Variants in NBPF9 observed in about 807,000 individuals in gnomAD.
NBPF9 encodes NBPF family member NBPF9.
NBPF9 carries 91 observed loss-of-function variants against 97.8 expected under a neutral mutation model. The ratio of observed to expected loss-of-function variants is 0.93; its 90% CI spans 0.79 to 1.11. The LOEUF (loss-of-function observed/expected upper bound fraction) is 1.11, where lower values mean the gene tolerates loss of function less well. Among genes scored for constraint, NBPF9 ranks in the 50% least tolerant of loss-of-function variants. NBPF9 has a pLI of 0.00. For missense variants in NBPF9, 992 were observed against 939.5 expected (o/e 1.06, Z -0.73); for synonymous variants, 334 against 359.5 (o/e 0.93, Z 0.80).
At position 149,077,842 on chromosome 1, in the gene NBPF9, A is replaced by G. The variant is rs1256648866; in HGVS notation, c.566+41T>C. 87 of 1,594,628 alleles carry G rather than the reference A, an allele frequency of 5.5e-5. 3 individuals are homozygous for G. The African/African-American group carries it at 8.4e-4, about 15-fold the overall frequency. On this transcript the variant is annotated intron_variant, in intron 10 of 29. Transcript: ENST00000584027. ...GGGTGTGCCTCCTAGACATCTTCATATGTTACCACCCATTACTTGCTCCTG... is the reference window on the plus strand; with the variant it reads ...GGGTGTGCCTCCTAGACATCTTCATGTGTTACCACCCATTACTTGCTCCTG...
Position 149,080,378 on chromosome 1 carries a change from G to A in NBPF9, c.176-223C>T, listed in dbSNP as rs1435770067. 6.7e-3 allele frequency among the ~76,000 whole-genome samples: 1,009 copies of A among 150,530 alleles called. 5 individuals are homozygous for A. Among genetic ancestry groups the A allele is most frequent in the Middle Eastern group, 0.014 (4 of 294 alleles). On this transcript the variant is annotated intron_variant, in intron 7 of 29. Coordinates refer to ENST00000584027, the Ensembl canonical transcript of NBPF9. ...AAGAGAACCTCAAGGGCGCATCAAG[G>A]AAGTTGACAAGATGATTCAACCACA...
At chr1:149,074,270 C>T (rs1213489909) in intron 12 of NBPF9, among the ~76,000 whole-genome samples, 2 of 151,266 alleles carry the variant, frequency 1.3e-5, no homozygotes, top group African/African-American at 4.8e-5. Context: ...GACTATGGGA[C>T]TGATGGTTTC....
Position 149,097,526 on chromosome 1 carries a change from G to C in NBPF9, c.-337+912C>G, listed in dbSNP as rs1310065448. Among the ~76,000 whole-genome samples the C allele has an allele frequency of 1.9e-4, 29 of 152,330 alleles. No individual in the cohort carries two copies. In the South Asian group the frequency reaches 5.2e-3, roughly 27 times the overall value. ...CCACTCCAGAAGCTGCCCAGCTGCA[G>C]GTGGGGGCCTCAGCCCCTGGGTCTG... On this transcript the variant is annotated intron_variant, in intron 4 of 29. Coordinates refer to ENST00000584027, the Ensembl canonical transcript of NBPF9.
chr1:149,056,222 C>T (rs2078231753), intron 29 of NBPF9, among the ~76,000 whole-genome samples: 1 of 146,972 alleles, frequency 6.8e-6, no homozygotes, highest in African/African-American at 2.5e-5. Flanking sequence ...AAACTGTGAT[C>T]ATGAAAAGAG....
At chr1:149,076,668 ATTT>A (rs200537943) in intron 11 of NBPF9, among the ~76,000 whole-genome samples, 5 of 129,444 alleles carry the variant, frequency 3.9e-5, no homozygotes, top group African/African-American at 2.9e-5. Context: ...ACGCCCAGCT[ATTT>A]TTTTTTTTTT....
At chr1:149,068,564 C>T (rs1280834311) in intron 17 of NBPF9, among the ~76,000 whole-genome samples, 4 of 151,714 alleles carry the variant, frequency 2.6e-5, no homozygotes, top group Non-Finnish European at 5.9e-5. Flanking sequence ...ATCAATTCAA[C>T]AGGAAGAGTT....
At chr1:149,071,115 C>T in exon 16 of NBPF9, 2 of 1,601,782 alleles carry the variant, frequency 1.2e-6, no homozygotes, top group Non-Finnish European at 1.7e-6. Context: ...CAGGGACTTC[C>T]TTTTCTTCAG....
intron 21 of NBPF9, 115 bp from the exon 22 acceptor site, chr1:149,062,380 A>C (rs75334453): frequency 1.6e-6 from 1 of 616,636 alleles, no homozygotes; most frequent in East Asian, 2.7e-5. Flanking sequence ...GGACAGATCC[A>C]TTAATGAGGT....
At chr1:149,064,876 G>T in intron 18 of NBPF9, 1 of 528,634 alleles carries the variant, frequency 1.9e-6, no homozygotes, top group Non-Finnish European at 3.4e-6. Flanking sequence ...ACAGAGATTT[G>T]ATGAGGGGGT....
At position 149,059,475 on chromosome 1, in the gene NBPF9, A is replaced by C. The variant is rs1181438395; in HGVS notation, c.2585+225T>G. Reference sequence around the variant, plus strand: ...TCAAAATTCGATGCAGTGGCCATGAAAGTACAGCTTTTGAAGTATGGTCAA... The same window carrying C: ...TCAAAATTCGATGCAGTGGCCATGACAGTACAGCTTTTGAAGTATGGTCAA... On this transcript the variant is annotated intron_variant, in intron 25 of 29. Coordinates refer to ENST00000584027, the Ensembl canonical transcript of NBPF9. The C allele has an allele frequency of 4.3e-5, 17 of 395,960 alleles. 3 individuals carry two copies. Among genetic ancestry groups the C allele is most frequent in the African/African-American group, 2.0e-4 (7 of 35,358 alleles). 24.5% of individuals were successfully genotyped at this position (395,960 alleles called of 1,614,324 possible).
intron 4 of NBPF9, among the ~76,000 whole-genome samples, chr1:149,095,800 C>T (rs1183708604): frequency 2.6e-5 from 4 of 151,990 alleles, no homozygotes; most frequent in African/African-American, 9.7e-5. Context: ...ACGGTGAACA[C>T]ACCAAATGCT....
rs587728619 is a variant in NBPF9, at chr1:149,072,269, T to G, written c.1306+449A>C. ...AAGCAGTTGTAAGTGTTCCCACATTTGAATGCTTCAGACCCTTGCAAGAGA... is the reference window on the plus strand; with the variant it reads ...AAGCAGTTGTAAGTGTTCCCACATTGGAATGCTTCAGACCCTTGCAAGAGA... On this transcript the variant is annotated intron_variant, in intron 14 of 29. Transcript: ENST00000584027. Among the ~76,000 whole-genome samples the G allele has an allele frequency of 5.3e-4, 80 of 151,936 alleles. 1 individual carries two copies. The highest frequency in any genetic ancestry group is 1.8e-3 in the African/African-American group (75 of 41,322).
intron 16 of NBPF9, among the ~76,000 whole-genome samples, chr1:149,070,157 C>A (rs1186356612): frequency 2.0e-5 from 3 of 147,486 alleles, no homozygotes; most frequent in African/African-American, 7.7e-5. Flanking sequence ...CCTGTCTCTA[C>A]TAAAAATACA....
chr1:149,062,269 G>T lies in NBPF9; in HGVS notation c.2079-4C>A, dbSNP rs781803672. 3 of 662,788 alleles carry T rather than the reference G, an allele frequency of 4.5e-6. No homozygotes were observed. Among genetic ancestry groups the T allele is most frequent in the South Asian group, 3.5e-5 (2 of 57,442 alleles). 41.1% of individuals were successfully genotyped at this position (662,788 alleles called of 1,614,324 possible). On this transcript the variant is annotated splice_polypyrimidine_tract_variant and splice_region_variant and intron_variant, in intron 21 of 29. Coordinates refer to ENST00000584027, the Ensembl canonical transcript of NBPF9. ...ATCCAGCAGCTCCCTGCTGAGCCTG[G>T]AAAAGTAGGAAAAAGTAAAGAATAA...
chr1:149,082,308 C>T lies in NBPF9; in HGVS notation c.-72G>A, dbSNP rs1329604643. 10 of 1,550,356 alleles carry T rather than the reference C, an allele frequency of 6.5e-6. No homozygotes were observed. The highest frequency in any genetic ancestry group is 1.4e-5 in the African/African-American group (1 of 71,712). The stretch of plus-strand genomic sequence containing the variant: ...GAAAAATGTGATCACTCCCACAGCA[C>T]TTTAGGATCCTTCACCACAAAAACA... On this transcript the variant is annotated 5_prime_UTR_variant, in exon 6 of 30. In the 5' UTR this introduces an upstream ATG that the reference lacks. Coordinates refer to ENST00000584027, the Ensembl canonical transcript of NBPF9.
At chr1:149,070,445 G>C (rs1211255780) in intron 16 of NBPF9, among the ~76,000 whole-genome samples, 2 of 151,310 alleles carry the variant, frequency 1.3e-5, no homozygotes, top group Non-Finnish European at 2.9e-5. Flanking sequence ...CCAAAGTAAA[G>C]AAGAAAAGTT....
exon 8 of NBPF9, chr1:149,080,107 C>T (rs189167856): frequency 4.3e-5 from 61 of 1,405,544 alleles, no homozygotes; most frequent in African/African-American, 3.6e-4. Flanking sequence ...CTTGAACTGT[C>T]GCTCATTCCT....
exon 30 of NBPF9, chr1:149,055,527 G>T (rs1168451747): frequency 7.7e-6 from 12 of 1,557,916 alleles, no homozygotes; most frequent in African/African-American, 1.4e-5. Context: ...TTGAGAATAG[G>T]AATAGAGCCA....
rs1486693888 is a variant in NBPF9 at position 149,074,706 on chromosome 1, C to T, written c.989-836G>A. Among the ~76,000 whole-genome samples the T allele has an allele frequency of 1.3e-4, 19 of 151,460 alleles. 1 individual carries two copies. The highest frequency in any genetic ancestry group is 3.4e-3 in the Middle Eastern group (1 of 292). On this transcript the variant is annotated intron_variant, in intron 12 of 29. Transcript: ENST00000584027. ...TGCTATCTCCACACATTCTCGGGTG[C>T]GAACTTTCTTCCTCTTTAGCAACAA...
Sources: allele counts gnomAD v4.1 joint callset (sites outside exome capture counted in the v4.1 genomes callset), GRCh38; gene constraint gnomAD v4.1.1; transcripts MANE v1.5; gene names NCBI Gene and HGNC (gene_info 2026-07-23, HGNC 2026-07-21).